The following WNT7A variants were observed in gnomAD, a reference collection of about 807,000 sequenced individuals.
The protein encoded by WNT7A is protein Wnt-7a.
WNT7A carries 16 observed loss-of-function variants against 28.2 expected under a neutral mutation model. The observed-to-expected ratio is 0.57, with a 90% CI of 0.38 to 0.86. The LOEUF is 0.86. Among genes scored for constraint, WNT7A ranks in the 40% least tolerant of loss-of-function variants. The pLI is 0.00. For missense variants in WNT7A, 411 were observed against 489.7 expected (o/e 0.84, Z 1.52); for synonymous variants, 190 against 195.9 (o/e 0.97, Z 0.25).
chr3:13,865,604 G>A (rs1450750195), intron 2 of WNT7A, among the ~76,000 whole-genome samples: 2 of 152,208 alleles, frequency 1.3e-5, no homozygotes, highest in African/African-American at 4.8e-5. Flanking sequence ...CGTCACTCAC[G>A]CAACAGAGAA....
intron 3 of WNT7A, among the ~76,000 whole-genome samples, chr3:13,852,196 G>A (rs1353647294): frequency 6.6e-6 from 1 of 152,216 alleles, no homozygotes; most frequent in Non-Finnish European, 1.5e-5. Flanking sequence ...GCCACATGGT[G>A]CACCCCCCCA....
intron 3 of WNT7A, among the ~76,000 whole-genome samples, chr3:13,833,037 A>C (rs982915039): frequency 1.3e-5 from 2 of 151,996 alleles, no homozygotes; most frequent in African/African-American, 4.8e-5. Context: ...GTGGACACAC[A>C]GCCCCTCACC....
chr3:13,877,439 A>G (rs1279017466), intron 1 of WNT7A, among the ~76,000 whole-genome samples: 1 of 152,250 alleles, frequency 6.6e-6, no homozygotes, highest in Non-Finnish European at 1.5e-5. Flanking sequence ...TTAAGTGGAG[A>G]CGTTTTGGCA....
At chr3:13,876,594 A>T (rs984301256) in intron 1 of WNT7A, among the ~76,000 whole-genome samples, 1 of 152,116 alleles carries the variant, frequency 6.6e-6, no homozygotes, top group Non-Finnish European at 1.5e-5. Context: ...GCAATTTGTT[A>T]GAGTGAGGTT....
intron 2 of WNT7A, among the ~76,000 whole-genome samples, chr3:13,856,549 G>T (rs891481601): frequency 3.9e-5 from 6 of 152,198 alleles, no homozygotes; most frequent in African/African-American, 1.4e-4. Context: ...CAGGCATGGT[G>T]GCTTACGCCT....
chr3:13,862,446 G>A (rs897175985), intron 2 of WNT7A, among the ~76,000 whole-genome samples: 1 of 151,620 alleles, frequency 6.6e-6, no homozygotes, highest in African/African-American at 2.4e-5. Context: ...TTTTTCTTTT[G>A]CTATTTAAAG....
intron 3 of WNT7A, among the ~76,000 whole-genome samples, chr3:13,849,591 C>T (rs1694595916): frequency 1.3e-5 from 2 of 152,106 alleles, no homozygotes; most frequent in Admixed American, 1.3e-4. Flanking sequence ...GTGGTGCTGA[C>T]CCTGCAGTGG....
At chr3:13,831,278 C>T (rs1694276880) in intron 3 of WNT7A, among the ~76,000 whole-genome samples, 1 of 152,182 alleles carries the variant, frequency 6.6e-6, no homozygotes, top group Admixed American at 6.5e-5. Context: ...CTGCGGTGTC[C>T]AGTGCCTGAC....
At chr3:13,856,962 GA>G (rs1559303372) in intron 2 of WNT7A, among the ~76,000 whole-genome samples, 5 of 122,876 alleles carry the variant, frequency 4.1e-5, no homozygotes, top group Admixed American at 8.2e-5. Flanking sequence ...AGAAGAAGAA[GA>G]AGAAGGAGAA....
intron 3 of WNT7A, among the ~76,000 whole-genome samples, chr3:13,827,258 T>C (rs920251351): frequency 4.6e-5 from 7 of 152,184 alleles, no homozygotes; most frequent in Non-Finnish European, 8.8e-5. Context: ...TCCTGGAATG[T>C]ATGTAAGCAG....
rs1340815297 is a variant in WNT7A, at chr3:13,818,640, G to T, written c.*304C>A. On this transcript the variant is annotated 3_prime_UTR_variant, in exon 4 of 4. Transcript: ENST00000285018. ...AATATTATTTTTATCAGAATAAATT[G>T]TTAAATATTGCTGTGATGAGGCCCA... The T allele has an allele frequency of 3.7e-5, 8 of 213,412 alleles. No homozygotes were observed. The highest frequency in any genetic ancestry group is 4.6e-5 in the Non-Finnish European group (5 of 108,936). The allele number at this position is 213,412 out of a possible 1,614,324, so 13.2% of individuals were successfully genotyped here.
In WNT7A at chr3:13,819,306, C is replaced by T; in HGVS notation, c.688G>A (p.Asp230Asn). Reference sequence around the variant, plus strand: ...ACGTGAACGGCCTCGTTGTACTTGTCCTTGAGCACGTAGCCCAGCTCCCGA... The same window carrying T: ...ACGTGAACGGCCTCGTTGTACTTGTTCTTGAGCACGTAGCCCAGCTCCCGA... ...QFRELGYVLK[D>N]KYNEAVHVEP... The change falls in exon 4 of 4, where the codon GAC becomes AAC. Residue 230 changes from aspartate (D) to asparagine (N), a missense_variant. Physicochemically the swap from Asp to Asn is conservative, Grantham distance 23. Transcript: ENST00000285018. 2 of 1,613,820 alleles carry T rather than the reference C, an allele frequency of 1.2e-6. No homozygotes were observed. The highest frequency in any genetic ancestry group is 2.2e-5 in the South Asian group (2 of 91,064).
intron 3 of WNT7A, among the ~76,000 whole-genome samples, chr3:13,828,706 C>T (rs757124668): frequency 8.5e-5 from 13 of 152,230 alleles, no homozygotes; most frequent in South Asian, 2.1e-4. Flanking sequence ...TCTGCTGCTT[C>T]CTCCCCTCTG....
chr3:13,819,310 G>A lies in WNT7A; in HGVS notation c.684C>T (p.Leu228=). ...LPQFRELGYV[L]KDKYNEAVHV... ...GAACGGCCTCGTTGTACTTGTCCTT[G>A]AGCACGTAGCCCAGCTCCCGAAACT... is the stretch of plus-strand genomic sequence containing the variant. Residue 228 remains leucine, a synonymous_variant, in exon 4 of 4, where the codon CTC becomes CTT. Transcript: ENST00000285018. The A allele has an allele frequency of 6.2e-7, 1 of 1,613,770 alleles. No individual in the cohort carries two copies. The highest frequency in any genetic ancestry group is 8.5e-7 in the Non-Finnish European group (1 of 1,179,700).
At chr3:13,845,028 C>T (rs763026579) in intron 3 of WNT7A, among the ~76,000 whole-genome samples, 18 of 152,230 alleles carry the variant, frequency 1.2e-4, no homozygotes, top group Non-Finnish European at 2.4e-4. Flanking sequence ...TGTGGTGTAA[C>T]TGAGCCCCTG....
At chr3:13,864,353 C>A (rs1334679631) in intron 2 of WNT7A, among the ~76,000 whole-genome samples, 1 of 152,164 alleles carries the variant, frequency 6.6e-6, no homozygotes, top group South Asian at 2.1e-4. Context: ...ACCCTCCCTA[C>A]GCTACGCCCT....
At position 13,853,663 on chromosome 3, in the gene WNT7A, G is replaced by A. The variant is rs546547494; in HGVS notation, c.570+869C>T. On this transcript the variant is annotated intron_variant, in intron 3 of 3. Coordinates refer to ENST00000285018, the MANE Select transcript of WNT7A (RefSeq NM_004625.4). ...CTGTGTTGCCCACGGGCTCATGGCA[G>A]TATGACAGAGCAACAGCCACAAGCC... Among the ~76,000 whole-genome samples the A allele has an allele frequency of 7.9e-5, 12 of 152,362 alleles. No individual in the cohort carries two copies. The South Asian group carries it at 2.5e-3, about 32-fold the overall frequency.
At chr3:13,834,466 G>A (rs140617450) in intron 3 of WNT7A, among the ~76,000 whole-genome samples, 43 of 152,084 alleles carry the variant, frequency 2.8e-4, no homozygotes, top group African/African-American at 9.9e-4. Flanking sequence ...CGGGTGTACG[G>A]GGCTCCTTTT....
intron 3 of WNT7A, among the ~76,000 whole-genome samples, chr3:13,830,922 G>A (rs965011033): frequency 2.6e-5 from 4 of 152,190 alleles, no homozygotes; most frequent in Non-Finnish European, 5.9e-5. Flanking sequence ...CCCTCCTTGA[G>A]CTCCAGCTTT....
Sources: gnomAD v4.1 joint callset for allele counts (sites outside exome capture counted in the v4.1 genomes callset) on GRCh38, gnomAD v4.1.1 for gene constraint, MANE v1.5 for transcripts, NCBI Gene and HGNC (gene_info 2026-07-23, HGNC 2026-07-21) for gene names.